The following OSBPL11 variants were observed in gnomAD, a reference collection of about 807,000 sequenced individuals.
The protein encoded by OSBPL11 is oxysterol binding protein like 11, also known as oxysterol-binding protein-related protein 11.
In OSBPL11, 33 loss-of-function variants were observed where a neutral mutation model predicts 84.4. The observed-to-expected ratio is 0.39, with a 90% CI of 0.30 to 0.52. OSBPL11 has a LOEUF of 0.52. Among genes scored for constraint, OSBPL11 ranks in the 20% least tolerant of loss-of-function variants. The pLI is 0.72. For missense variants in OSBPL11, 736 were observed against 901.1 expected, an observed-to-expected ratio of 0.82 and a Z score of 2.35; for synonymous variants, 276 against 310.2, an observed-to-expected ratio of 0.89 and a Z score of 1.16.
At chr3:125,553,123 C>A (rs1178599508) in intron 8 of OSBPL11, among the ~76,000 whole-genome samples, 2 of 152,012 alleles carry the variant, frequency 1.3e-5, no homozygotes, top group Non-Finnish European at 2.9e-5. Context: ...ACAACAACAA[C>A]AAAAAAGCAT....
At chr3:125,536,502 G>C (rs927381330) in intron 11 of OSBPL11, among the ~76,000 whole-genome samples, 2 of 152,150 alleles carry the variant, frequency 1.3e-5, no homozygotes, top group Non-Finnish European at 2.9e-5. Flanking sequence ...AAGTTCACCA[G>C]AAAACTAATT....
intron 6 of OSBPL11, among the ~76,000 whole-genome samples, chr3:125,564,346 T>C (rs1936125478): frequency 6.6e-6 from 1 of 152,178 alleles, no homozygotes; most frequent in Admixed American, 6.6e-5. Context: ...ATGTCCTTTT[T>C]CGAAATCATT....
chr3:125,543,650 C>T (rs1935767701), intron 10 of OSBPL11, among the ~76,000 whole-genome samples: 1 of 152,082 alleles, frequency 6.6e-6, no homozygotes, highest in Non-Finnish European at 1.5e-5. Context: ...CCTGTAATCC[C>T]AGCACTTTGA....
At chr3:125,559,296 G>A (rs1400141847) in intron 8 of OSBPL11, among the ~76,000 whole-genome samples, 1 of 152,176 alleles carries the variant, frequency 6.6e-6, no homozygotes, top group East Asian at 1.9e-4. Flanking sequence ...ACATTTTCCA[G>A]TATAGTATAC....
At chr3:125,551,789 A>G (rs1046325536) in intron 9 of OSBPL11, among the ~76,000 whole-genome samples, 1 of 152,144 alleles carries the variant, frequency 6.6e-6, no homozygotes, top group Admixed American at 6.6e-5. Context: ...AAAAAAAGAA[A>G]AGAAAACAAA....
intron 9 of OSBPL11, among the ~76,000 whole-genome samples, chr3:125,548,343 T>C (rs773505877): frequency 1.2e-4 from 19 of 152,112 alleles, no homozygotes; most frequent in Non-Finnish European, 2.5e-4. Flanking sequence ...TGGGAAAAAA[T>C]TGTTCTTCAT....
chr3:125,590,300 A>G (rs1293869688), intron 1 of OSBPL11, among the ~76,000 whole-genome samples: 1 of 152,230 alleles, frequency 6.6e-6, no homozygotes. Flanking sequence ...CTGTAATCCT[A>G]GTACTTCAGG....
At chr3:125,577,211 G>A (rs1009835789) in intron 4 of OSBPL11, among the ~76,000 whole-genome samples, 18 of 151,470 alleles carry the variant, frequency 1.2e-4, no homozygotes, top group Non-Finnish European at 2.5e-4. Context: ...CAGGAAGAAC[G>A]ATTAAAAAAA....
intron 5 of OSBPL11, 79 bp from the exon 6 acceptor site, chr3:125,567,674 C>T (rs1936180825): frequency 8.3e-7 from 1 of 1,209,814 alleles, no homozygotes; most frequent in Non-Finnish European, 1.2e-6. Context: ...TTTTAATTAC[C>T]AGATTCAGCT....
rs1935929872 is a variant in OSBPL11 at position 125,552,588 on chromosome 3, G to C, written c.1247C>G (p.Thr416Ser). Reference sequence around the variant, plus strand: ...TCTGTCCTCAGCTGTGGCTCCATTAGTGATGGCTATAAATAGGTCTGGATG... The same window carrying C: ...TCTGTCCTCAGCTGTGGCTCCATTACTGATGGCTATAAATAGGTCTGGATG... ...MSHPDLFIAI[T>S]NGATAEDRMI... The change falls in exon 9 of 13, where the codon ACT becomes AGT. Residue 416 changes from threonine to serine, a missense_variant. Around this residue, in one of 3 missense-constraint regions of OSBPL11, gnomAD observed 579 missense variants for 717.6 expected, o/e 0.81. Transcript: ENST00000296220. The C allele has an allele frequency of 6.2e-7, 1 of 1,614,048 alleles. No homozygotes were observed. The highest frequency in any genetic ancestry group is 1.3e-5 in the African/African-American group (1 of 74,918).
At chr3:125,575,363 A>G (rs1936306554) in intron 5 of OSBPL11, among the ~76,000 whole-genome samples, 1 of 151,946 alleles carries the variant, frequency 6.6e-6, no homozygotes. Context: ...ATATATACAT[A>G]TATCAGTTAT....
chr3:125,563,279 C>T (rs1936104647), intron 7 of OSBPL11, among the ~76,000 whole-genome samples: 1 of 152,010 alleles, frequency 6.6e-6, no homozygotes, highest in East Asian at 1.9e-4. Flanking sequence ...ATACTTGAAA[C>T]AACTGGCTTG....
intron 11 of OSBPL11, among the ~76,000 whole-genome samples, chr3:125,533,417 G>T (rs1410997136): frequency 6.6e-6 from 1 of 151,980 alleles, no homozygotes; most frequent in Non-Finnish European, 1.5e-5. Flanking sequence ...TACAGACAGG[G>T]TTTCATCATG....
At chr3:125,580,514 C>CAAAAAAAAAA in intron 2 of OSBPL11, among the ~76,000 whole-genome samples, 1 of 64,980 alleles carries the variant, frequency 1.5e-5, no homozygotes, top group Non-Finnish European at 2.8e-5. Flanking sequence ...AACTCCGTCT[C>CAAAAAAAAAA]AAAAAAAAAA....
At position 125,594,748 on chromosome 3, in the gene OSBPL11, T is replaced by C. The variant is rs1936654598; in HGVS notation, c.53A>G (p.Lys18Arg). The C allele has an allele frequency of 6.2e-7, 1 of 1,614,088 alleles. No individual in the cohort carries two copies. Among genetic ancestry groups the C allele is most frequent in the Admixed American group, 1.7e-5 (1 of 59,998 alleles). Residue 18 changes from lysine (K) to arginine (R), a missense_variant, in exon 1 of 13, where the codon AAG (lysine) becomes AGG (arginine). Lys to Arg is a conservative substitution (Grantham distance 26). Coordinates refer to ENST00000296220, the MANE Select transcript of OSBPL11 (RefSeq NM_022776.5). ...CACCGCTGTGGCCTGGCCCTCCAGC[T>C]TTCCTTCGCTCTCCGAGACTTTCAT... Reference protein sequence around the residue: ...STMKVSESEGKLEGQATAVTP... With the variant: ...STMKVSESEGRLEGQATAVTP...
chr3:125,532,543 C>T (rs1186637473), intron 11 of OSBPL11, among the ~76,000 whole-genome samples: 2 of 145,130 alleles, frequency 1.4e-5, no homozygotes, highest in Non-Finnish European at 3.0e-5. Context: ...TTCTAGGCCA[C>T]GCACAGGGAG....
chr3:125,574,615 A>T (rs1221463014), intron 5 of OSBPL11, among the ~76,000 whole-genome samples: 1 of 152,154 alleles, frequency 6.6e-6, no homozygotes, highest in Non-Finnish European at 1.5e-5. Flanking sequence ...ATCAATTAAA[A>T]AAAGACAGTA....
intron 5 of OSBPL11, among the ~76,000 whole-genome samples, chr3:125,570,641 A>G (rs911833262): frequency 3.3e-5 from 5 of 152,164 alleles, no homozygotes; most frequent in Non-Finnish European, 5.9e-5. Context: ...TGTTCTCATG[A>G]TAGTGAATAA....
At chr3:125,558,322 CTA>C (rs1414682430) in intron 8 of OSBPL11, among the ~76,000 whole-genome samples, 1 of 152,164 alleles carries the variant, frequency 6.6e-6, no homozygotes, top group Non-Finnish European at 1.5e-5. Context: ...CTTCAGAAGA[CTA>C]TTCATTTTTA....
Sources: allele counts gnomAD v4.1 joint callset (sites outside exome capture counted in the v4.1 genomes callset), GRCh38; gene constraint gnomAD v4.1.1; regional missense constraint gnomAD v4.1.1; transcripts MANE v1.5; gene names NCBI Gene and HGNC (gene_info 2026-07-23, HGNC 2026-07-21).